Variants in TTN observed in about 807,000 individuals in gnomAD.
TTN encodes connectin.
Under a neutral mutation model 3,223.0 loss-of-function variants are expected in TTN, and 1,525 were observed. The ratio of observed to expected loss-of-function variants is 0.47; its 90% CI spans 0.45 to 0.49. TTN has a LOEUF of 0.49. TTN is among the 20% of genes least tolerant of loss of function. TTN has a pLI of 0.00. For synonymous variants in TTN, 14,094 were observed against 15,161.0 expected, an observed-to-expected ratio of 0.93 and a Z score of 5.17; for missense variants, 40,786 against 43,424.0, an observed-to-expected ratio of 0.94 and a Z score of 5.40.
rs750357355 is a variant in TTN, at chr2:178,559,503, C to G, written c.86629G>C (p.Val28877Leu). 3 of 1,613,652 alleles carry G rather than the reference C, an allele frequency of 1.9e-6. No homozygotes were observed. In the African/African-American group the frequency reaches 4.0e-5, roughly 22 times the overall value. Reference protein sequence around the residue: ...DVPENDGGAPVKNYHIEKREA... With the variant: ...DVPENDGGAPLKNYHIEKREA... ...CGTTTTTCTATGTGGTAATTCTTCA[C>G]TGGTGCTCCACCATCGTTTTCAGGA... Residue 28877 changes from valine (V) to leucine (L), a missense_variant, in exon 326 of 363, where the codon GTG becomes CTG. Physicochemically the swap from Val to Leu is conservative, Grantham distance 32 (BLOSUM62 1). Transcript: ENST00000589042.
In TTN at chr2:178,738,364, C is replaced by T. The variant is rs373530196; in HGVS notation, c.14093-4G>A. On this transcript the variant is annotated splice_region_variant and splice_polypyrimidine_tract_variant and intron_variant, in intron 48 of 362. Transcript: ENST00000589042. ...TTCCTCTTGATCACTGGGGCAGCTG[C>T]AAAGGGAAGTAGAGTCCATTAACAT... The T allele has an allele frequency of 3.1e-6, 5 of 1,609,716 alleles. No homozygotes were observed. The African/African-American group carries it at 6.7e-5, about 22-fold the overall frequency.
In TTN at chr2:178,608,925, G is replaced by C; in HGVS notation, c.52103-17C>G. On this transcript the variant is annotated splice_polypyrimidine_tract_variant and intron_variant, in intron 273 of 362. Coordinates refer to ENST00000589042, the MANE Select transcript of TTN (RefSeq NM_001267550.2). ...CCGGTGTATCTAATATTTCAGAAGAGAACAGTAATCAAAAATTTGTGTGGG... is the reference window on the plus strand; with the variant it reads ...CCGGTGTATCTAATATTTCAGAAGACAACAGTAATCAAAAATTTGTGTGGG... The C allele has an allele frequency of 6.3e-7, 1 of 1,594,322 alleles. No individual in the cohort carries two copies. The highest frequency in any genetic ancestry group is 8.5e-7 in the Non-Finnish European group (1 of 1,175,510).
rs182960252 is a variant in TTN at position 178,733,157 on chromosome 2, T to G, written c.16055-36A>C. 1.0e-5 allele frequency: 16 copies of G among 1,564,046 alleles called. No individual in the cohort carries two copies. In the Admixed American group the frequency reaches 2.5e-4, roughly 25 times the overall value. On this transcript the variant is annotated intron_variant, in intron 54 of 362. Transcript: ENST00000589042. ...CACAAGAAGGGAGAAAAGGTCAATA[T>G]AGAAGAGTGCTCAGTGATTGACTTT...
Position 178,653,329 on chromosome 2 carries a change from G to C in TTN, c.38708-8C>G. 6.2e-7 allele frequency: 1 copy of C among 1,611,930 alleles called. No individual in the cohort carries two copies. Among genetic ancestry groups the C allele is most frequent in the Non-Finnish European group, 8.5e-7 (1 of 1,179,516 alleles). On this transcript the variant is annotated splice_polypyrimidine_tract_variant and splice_region_variant and intron_variant, in intron 197 of 362. Transcript: ENST00000589042. ...CTTTGGGAGCCTCTGGCACTTAAAAGATATTAGTAAAGTTACATGTAGAGC... is the reference window on the plus strand; with the variant it reads ...CTTTGGGAGCCTCTGGCACTTAAAACATATTAGTAAAGTTACATGTAGAGC...
At chr2:178,745,142 ATAACT>A (rs2083239083) in intron 47 of TTN, 3 of 990,698 alleles carry the variant, frequency 3.0e-6, no homozygotes, top group African/African-American at 1.7e-5. Flanking sequence ...AATTCCAAAA[ATAACT>A]TAGAATGGGA....
chr2:178,677,480 T>A lies in TTN; in HGVS notation c.34291+141A>T, dbSNP rs537444029. ...GGCAGATACACAATAAGAACACACA[T>A]GTCTGGAATGTTTTCTAAGATTTAG... On this transcript the variant is annotated intron_variant, in intron 146 of 362. Coordinates refer to ENST00000589042, the MANE Select transcript of TTN (RefSeq NM_001267550.2). The A allele has an allele frequency of 0.011, 9,377 of 874,578 alleles. 73 individuals are homozygous for A. The highest frequency in any genetic ancestry group is 0.014 in the Non-Finnish European group (8,367 of 598,382). The allele number at this position is 874,578 out of a possible 1,614,324, so 54.2% of individuals were successfully genotyped here.
At position 178,740,095 on chromosome 2, in the gene TTN, T is replaced by A; in HGVS notation, c.13138A>T (p.Lys4380Ter). The stretch of plus-strand genomic sequence containing the variant: ...GGAATACCAGAAAGCAAGCTTTCCT[T>A]AGAAAGAAGGTCCCTTCCCTGTACC... The part of the protein sequence containing the change: ...QEVQGRDLLS[K>*]ESLLSGIPEE... The change falls in exon 48 of 363, where the codon AAG becomes TAG. Residue 4380 changes from lysine to a stop codon, truncating the protein, a stop_gained. Coordinates refer to ENST00000589042, the MANE Select transcript of TTN (RefSeq NM_001267550.2). LOFTEE classifies it high-confidence loss of function. 6.2e-7 allele frequency: 1 copy of A among 1,613,812 alleles called. No individual in the cohort carries two copies. The highest frequency in any genetic ancestry group is 8.5e-7 in the Non-Finnish European group (1 of 1,179,804).
rs1482766164 is a variant in TTN at position 178,551,668 on chromosome 2, C to G, written c.91232G>C (p.Ser30411Thr). ...AGCTAAGGTAAATTTGCTTGGGTCA[C>G]TAGGTGAGCTTAGGCCAGCAGAATT... is the stretch of plus-strand genomic sequence containing the variant. ...AENSAGLSSP[S>T]DPSKFTLAVS... The change falls in exon 335 of 363, where the codon AGT (serine) becomes ACT (threonine). Residue 30411 changes from serine (S) to threonine (T), a missense_variant. Coordinates refer to ENST00000589042, the MANE Select transcript of TTN (RefSeq NM_001267550.2). 6.2e-7 allele frequency: 1 copy of G among 1,604,976 alleles called. No individual in the cohort carries two copies.
Position 178,750,284 on chromosome 2 carries a change from T to A in TTN, c.11311+2840A>T, listed in dbSNP as rs72647898. On this transcript the variant is annotated intron_variant, in intron 47 of 362. Transcript: ENST00000589042. ...TGGGACTTTATGTGCTTTGACATCA[T>A]GTTTTTGTTTTGCTTTCACTTTAAG... is the stretch of plus-strand genomic sequence containing the variant. 22 of 1,613,244 alleles carry A rather than the reference T, an allele frequency of 1.4e-5. No individual in the cohort carries two copies. Among genetic ancestry groups the A allele is most frequent in the Non-Finnish European group, 1.7e-5 (20 of 1,179,558 alleles).
At chr2:178,679,277 A>G (rs1169298153) in intron 142 of TTN, 62 bp downstream of exon 142, 3 of 1,558,754 alleles carry the variant, frequency 1.9e-6, no homozygotes, top group Admixed American at 3.4e-5. Flanking sequence ...GCTATGGCTC[A>G]CCAAGTTATG....
intron 40 of TTN, among the ~76,000 whole-genome samples, chr2:178,766,817 G>A (rs964773697): frequency 1.3e-5 from 2 of 152,178 alleles, no homozygotes; most frequent in African/African-American, 4.8e-5. Context: ...CTCTTGTAGA[G>A]AATTGTGTTT....
Position 178,618,506 on chromosome 2 carries a change from T to A in TTN, c.46967-15A>T, listed in dbSNP as rs540864875. The A allele has an allele frequency of 6.8e-6, 11 of 1,609,880 alleles. 1 individual carries two copies. The African/African-American group carries it at 1.5e-4, about 22-fold the overall frequency. The stretch of plus-strand genomic sequence containing the variant: ...CCCAGGAACATCTGAAATTCACATA[T>A]AGAGGAATTTTTTTAGTGTGCTGTC... On this transcript the variant is annotated splice_polypyrimidine_tract_variant and intron_variant, in intron 251 of 362. Coordinates refer to ENST00000589042, the MANE Select transcript of TTN (RefSeq NM_001267550.2).
chr2:178,652,585 C>A, intron 201 of TTN, 44 bp from the exon 202 acceptor site: 2 of 1,611,282 alleles, frequency 1.2e-6, no homozygotes, highest in South Asian at 1.1e-5. Flanking sequence ...TTATGAAGAC[C>A]ATTAGGAAAA....
In TTN at chr2:178,593,358, T is replaced by C. The variant is rs777196126; in HGVS notation, c.58850A>G (p.Lys19617Arg). ...GKPITNYILE[K>R]RETMSKRWAR... ...CCATCGTTTAGACATAGTTTCTCTC[T>C]TTTCCAGGATGTAGTTTGTGATGGG... Residue 19617 changes from lysine (K) to arginine (R), a missense_variant, in exon 299 of 363, where the codon AAG becomes AGG. Transcript: ENST00000589042. The C allele has an allele frequency of 3.1e-6, 5 of 1,613,262 alleles. No homozygotes were observed. The South Asian group carries it at 5.5e-5, about 18-fold the overall frequency.
In TTN at chr2:178,776,141, C is replaced by T; in HGVS notation, c.5723G>A (p.Gly1908Asp). The T allele has an allele frequency of 1.9e-6, 3 of 1,614,152 alleles. No homozygotes were observed. Among genetic ancestry groups the T allele is most frequent in the Non-Finnish European group, 2.5e-6 (3 of 1,180,008 alleles). Reference protein sequence around the residue: ...DIVDCKSYDTGEVKVTAENPE... With the variant: ...DIVDCKSYDTDEVKVTAENPE... The stretch of plus-strand genomic sequence containing the variant: ...ATTTTCCGCGGTGACCTTCACTTCA[C>T]CTGTGTCATATGATTTGCAGTCCAC... The change falls in exon 28 of 363, where the codon GGT (glycine) becomes GAT (aspartate). Residue 1908 changes from glycine (G) to aspartate (D), a missense_variant. Coordinates refer to ENST00000589042, the MANE Select transcript of TTN (RefSeq NM_001267550.2).
chr2:178,665,058 A>T (rs956843239), intron 165 of TTN, 132 bp from the exon 166 acceptor site: 2 of 1,100,632 alleles, frequency 1.8e-6, no homozygotes, highest in African/African-American at 3.2e-5. Context: ...CCAATAGGCT[A>T]AGTCTTTTAA....
rs775893072 is a variant in TTN, at chr2:178,552,394, C to T, written c.90506G>A (p.Gly30169Asp). The stretch of plus-strand genomic sequence containing the variant: ...AAATTCACTTTCTTTCAGTGGCAAG[C>T]CATCTTTCAGCCAACTGATGGATGG... ...PKPSISWLKD[G>D]LPLKESEFVR... Residue 30169 changes from glycine (G) to aspartate (D), a missense_variant, in exon 335 of 363, where the codon GGC becomes GAC. Coordinates refer to ENST00000589042, the MANE Select transcript of TTN (RefSeq NM_001267550.2). The T allele has an allele frequency of 8.2e-6, 13 of 1,591,542 alleles. No homozygotes were observed. The highest frequency in any genetic ancestry group is 1.0e-5 in the Non-Finnish European group (12 of 1,166,788).
intron 110 of TTN, 40 bp from the exon 111 acceptor site, chr2:178,701,243 C>G (rs1204506966): frequency 6.4e-7 from 1 of 1,555,820 alleles, no homozygotes; most frequent in Non-Finnish European, 8.8e-7. Context: ...GTTTTAGTTT[C>G]TTATTTTGCG....
In TTN at chr2:178,535,982, C is replaced by T; in HGVS notation, c.100765G>A (p.Val33589Ile). The change falls in exon 357 of 363, where the codon GTT becomes ATT. Residue 33589 changes from valine (V) to isoleucine (I), a missense_variant and splice_region_variant. Physicochemically the swap from Val to Ile is conservative, Grantham distance 29. Transcript: ENST00000589042. Reference sequence around the variant, plus strand: ...TTGATGATAATTTATTTATTTTTACCTTCCACTTCCAAGGAGGCAGTGCCA... The same window carrying T: ...TTGATGATAATTTATTTATTTTTACTTTCCACTTCCAAGGAGGCAGTGCCA... ...VSGTASLEVE[V>I]PAKIHLPKTL... 1 of 1,526,230 alleles carries T rather than the reference C, an allele frequency of 6.6e-7. No individual in the cohort carries two copies. Among genetic ancestry groups the T allele is most frequent in the Non-Finnish European group, 8.8e-7 (1 of 1,141,080 alleles). 94.5% of individuals were successfully genotyped at this position (1,526,230 alleles called of 1,614,324 possible).
Sources: allele counts gnomAD v4.1 joint callset (sites outside exome capture counted in the v4.1 genomes callset), GRCh38; gene constraint gnomAD v4.1.1; transcripts MANE v1.5; gene names NCBI Gene and HGNC (gene_info 2026-07-23, HGNC 2026-07-21).